Variants in PBX3 observed in about 807,000 individuals in gnomAD.
PBX3 encodes the protein pre-B-cell leukemia transcription factor 3.
In PBX3, 14 loss-of-function variants were observed where a neutral mutation model predicts 48.5. The observed-to-expected ratio is 0.29, with a 90% CI of 0.19 to 0.45. The LOEUF is 0.45. Among genes scored for constraint, PBX3 ranks in the 20% least tolerant of loss-of-function variants. PBX3 has a pLI of 1.00. For synonymous variants in PBX3, 210 were observed against 200.3 expected, an observed-to-expected ratio of 1.05 and a Z score of -0.41; for missense variants, 386 against 546.7, an observed-to-expected ratio of 0.71 and a Z score of 2.93.
At chr9:125,915,962 C>T (rs1294763863) in intron 3 of PBX3, 35 bp downstream of exon 3, 12 of 1,601,458 alleles carry the variant, frequency 7.5e-6, no homozygotes, top group Non-Finnish European at 1.0e-5. Flanking sequence ...CCTACACAAA[C>T]CCTCTGTTGC....
chr9:125,965,515 C>T (rs890935149), intron 8 of PBX3, among the ~76,000 whole-genome samples: 13 of 152,226 alleles, frequency 8.5e-5, no homozygotes, highest in African/African-American at 3.1e-4. Context: ...CCACTGCTCC[C>T]TTCTGAAGAG....
rs77397474 is a variant in PBX3 at position 125,841,755 on chromosome 9, C to G, written c.275-73931C>G. 3.7e-3 allele frequency among the ~76,000 whole-genome samples: 558 copies of G among 152,238 alleles called. 1 individual carries two copies. The highest frequency in any genetic ancestry group is 0.012 in the African/African-American group (515 of 41,568). On this transcript the variant is annotated intron_variant, in intron 2 of 8. Coordinates refer to ENST00000373489, the MANE Select transcript of PBX3 (RefSeq NM_006195.6). ...CTTTACTGTAGCCAGAATTGATTATCTTGGTTAAAGAATCAAGGGAGATTA... is the reference window on the plus strand; with the variant it reads ...CTTTACTGTAGCCAGAATTGATTATGTTGGTTAAAGAATCAAGGGAGATTA...
At chr9:125,957,653 A>T (rs905458362) in intron 5 of PBX3, among the ~76,000 whole-genome samples, 7 of 152,222 alleles carry the variant, frequency 4.6e-5, no homozygotes, top group African/African-American at 1.7e-4. Context: ...AATGTATTAT[A>T]GCTTCTCTGA....
intron 2 of PBX3, among the ~76,000 whole-genome samples, chr9:125,773,419 T>C (rs73667058): frequency 2.6e-5 from 4 of 152,252 alleles, no homozygotes; most frequent in South Asian, 2.1e-4. Flanking sequence ...ACCTATCTTA[T>C]GTGCTCCAGT....
chr9:125,833,855 A>G (rs1156988254), intron 2 of PBX3, among the ~76,000 whole-genome samples: 1 of 152,168 alleles, frequency 6.6e-6, no homozygotes, highest in South Asian at 2.1e-4. Context: ...TTTCTTTGGT[A>G]TATACCTTGG....
At chr9:125,890,403 A>G (rs1203277112) in intron 2 of PBX3, among the ~76,000 whole-genome samples, 4 of 152,238 alleles carry the variant, frequency 2.6e-5, no homozygotes, top group African/African-American at 7.2e-5. Flanking sequence ...GGAATTCCAC[A>G]GGGAATTTAA....
At chr9:125,817,968 C>T (rs149589325) in intron 2 of PBX3, among the ~76,000 whole-genome samples, 3,890 of 152,108 alleles carry the variant, frequency 0.026, 68 homozygotes, top group Non-Finnish European at 0.039. Flanking sequence ...TTTGGGAGGC[C>T]GAGGCGGACG....
At chr9:125,842,741 T>G (rs1051584947) in intron 2 of PBX3, among the ~76,000 whole-genome samples, 3 of 152,194 alleles carry the variant, frequency 2.0e-5, no homozygotes, top group African/African-American at 7.2e-5. Flanking sequence ...GCCTCATCCA[T>G]GCCCAATTTT....
chr9:125,791,239 C>T (rs1324209927), intron 2 of PBX3, among the ~76,000 whole-genome samples: 1 of 151,926 alleles, frequency 6.6e-6, no homozygotes, highest in Non-Finnish European at 1.5e-5. Flanking sequence ...ATTAATAGTG[C>T]CTTAAGATGT....
chr9:125,909,442 A>T (rs999701771), intron 2 of PBX3, among the ~76,000 whole-genome samples: 2 of 152,206 alleles, frequency 1.3e-5, no homozygotes, highest in African/African-American at 4.8e-5. Flanking sequence ...GGGTAAATAC[A>T]GTAAGTATAA....
chr9:125,831,411 A>G (rs1210250981), intron 2 of PBX3, among the ~76,000 whole-genome samples: 1 of 149,564 alleles, frequency 6.7e-6, no homozygotes, highest in Non-Finnish European at 1.5e-5. Flanking sequence ...TTCTTTCTGT[A>G]TTTATTAGCC....
chr9:125,903,560 A>G (rs1450563158), intron 2 of PBX3, among the ~76,000 whole-genome samples: 6 of 151,806 alleles, frequency 4.0e-5, no homozygotes, highest in East Asian at 1.9e-4. Context: ...TCAAGAGACT[A>G]ATTTGGAGAA....
At chr9:125,871,019 TAG>T (rs1411607483) in intron 2 of PBX3, among the ~76,000 whole-genome samples, 2 of 152,180 alleles carry the variant, frequency 1.3e-5, no homozygotes, top group Non-Finnish European at 2.9e-5. Flanking sequence ...ATTCCACTTC[TAG>T]ATATAAAGTC....
intron 2 of PBX3, among the ~76,000 whole-genome samples, chr9:125,795,771 T>A (rs1176221478): frequency 2.0e-5 from 3 of 152,166 alleles, no homozygotes. Context: ...AATAAAATTT[T>A]AAAAATTTAA....
At chr9:125,881,854 G>T (rs1840389789) in intron 2 of PBX3, among the ~76,000 whole-genome samples, 1 of 151,772 alleles carries the variant, frequency 6.6e-6, no homozygotes, top group African/African-American at 2.4e-5. Flanking sequence ...TTTTGGGGAG[G>T]AGTAGTCCAA....
intron 2 of PBX3, among the ~76,000 whole-genome samples, chr9:125,826,249 T>A (rs1187040119): frequency 1.3e-5 from 2 of 152,198 alleles, no homozygotes; most frequent in African/African-American, 4.8e-5. Context: ...TAGGATTCTT[T>A]GAAAAAGAAG....
chr9:125,797,726 G>T (rs930606008), intron 2 of PBX3, among the ~76,000 whole-genome samples: 1 of 152,084 alleles, frequency 6.6e-6, no homozygotes, highest in Non-Finnish European at 1.5e-5. Context: ...TCTGAATACA[G>T]TACACTATTA....
At chr9:125,928,391 AAT>A (rs1015225403) in intron 3 of PBX3, among the ~76,000 whole-genome samples, 10 of 118,722 alleles carry the variant, frequency 8.4e-5, no homozygotes, top group African/African-American at 1.2e-4. Context: ...AGGGGAAACA[AAT>A]GTGTGTGTGT....
chr9:125,837,715 C>T (rs1294268837), intron 2 of PBX3, among the ~76,000 whole-genome samples: 4 of 151,996 alleles, frequency 2.6e-5, no homozygotes, highest in Admixed American at 6.6e-5. Context: ...CTCAGCCACC[C>T]GAGCAGCTGG....
Sources: gnomAD v4.1 joint callset for allele counts (sites outside exome capture counted in the v4.1 genomes callset) on GRCh38, gnomAD v4.1.1 for gene constraint, MANE v1.5 for transcripts, NCBI Gene and HGNC (gene_info 2026-07-23, HGNC 2026-07-21) for gene names.